EIF4G3: variants seen among roughly 807,000 people sequenced by gnomAD.
EIF4G3 encodes eIF-4-gamma 3.
A neutral mutation model predicts 186.4 loss-of-function variants in EIF4G3; 34 were observed. The ratio of observed to expected loss-of-function variants is 0.18; its 90% CI spans 0.14 to 0.24. The LOEUF (loss-of-function observed/expected upper bound fraction) is 0.24, where lower values mean the gene tolerates loss of function less well. Ranked by LOEUF, EIF4G3 falls within the 10% of genes least tolerant of loss-of-function variation. EIF4G3 has a pLI of 1.00. For missense variants in EIF4G3, 1,536 were observed against 1,948.5 expected, an observed-to-expected ratio of 0.79 and a Z score of 3.99; for synonymous variants, 673 against 679.5, an observed-to-expected ratio of 0.99 and a Z score of 0.15.
In EIF4G3 at chr1:20,807,557, G is replaced by T. The variant is rs1570735889; in HGVS notation, c.4745-57C>A. The T allele has an allele frequency of 5.1e-6, 7 of 1,373,374 alleles. No homozygotes were observed. In the East Asian group the frequency reaches 9.9e-5, roughly 19 times the overall value. 85.1% of individuals were successfully genotyped at this position (1,373,374 alleles called of 1,614,324 possible). The stretch of plus-strand genomic sequence containing the variant: ...TGGGACACTGTAGTTATGAGGAAAA[G>T]AATATATTTCAAAATAATGAATGAC... On this transcript the variant is annotated intron_variant, in intron 36 of 36. Transcript: ENST00000602326.
intron 2 of EIF4G3, among the ~76,000 whole-genome samples, chr1:21,117,736 T>TA (rs71014156): frequency 0.015 from 1,060 of 73,080 alleles, 27 homozygotes; most frequent in African/African-American, 0.039. Context: ...CAGTATATAG[T>TA]AAAAAAAAAA....
intron 2 of EIF4G3, among the ~76,000 whole-genome samples, chr1:21,140,537 T>C (rs2102644993): frequency 6.6e-6 from 1 of 152,358 alleles, no homozygotes; most frequent in Non-Finnish European, 1.5e-5. Flanking sequence ...GGTCTTGAAC[T>C]GGCCTCATTT....
intron 12 of EIF4G3, among the ~76,000 whole-genome samples, chr1:20,966,736 A>AG (rs939751511): frequency 1.3e-5 from 2 of 152,066 alleles, no homozygotes; most frequent in Non-Finnish European, 2.9e-5. Flanking sequence ...AGCCTCCCAA[A>AG]GTGCTAGGAT....
chr1:20,951,044 T>A (rs368855097), intron 12 of EIF4G3, among the ~76,000 whole-genome samples: 1 of 152,006 alleles, frequency 6.6e-6, no homozygotes, highest in East Asian at 1.9e-4. Context: ...AGAGTAGAGC[T>A]CCCTGCACAA....
chr1:21,125,431 G>A (rs2097013806), intron 2 of EIF4G3, among the ~76,000 whole-genome samples: 1 of 152,156 alleles, frequency 6.6e-6, no homozygotes, highest in African/African-American at 2.4e-5. Context: ...ATATTATTAG[G>A]CAATAGGCCA....
intron 2 of EIF4G3, among the ~76,000 whole-genome samples, chr1:21,157,922 T>A (rs1395616618): frequency 6.6e-6 from 1 of 152,156 alleles, no homozygotes; most frequent in African/African-American, 2.4e-5. Context: ...TTAACGTGAT[T>A]CTGAAATACA....
intron 4 of EIF4G3, among the ~76,000 whole-genome samples, chr1:21,041,202 T>C (rs1269720755): frequency 6.6e-6 from 1 of 152,202 alleles, no homozygotes; most frequent in Non-Finnish European, 1.5e-5. Flanking sequence ...CTCAGGGATG[T>C]CAGCTGCTTT....
chr1:21,099,996 T>G (rs2096480301), intron 2 of EIF4G3, among the ~76,000 whole-genome samples: 1 of 152,198 alleles, frequency 6.6e-6, no homozygotes, highest in South Asian at 2.1e-4. Context: ...GGACAAATTG[T>G]GGCATATCAA....
At chr1:21,047,323 T>G (rs1404737575) in intron 4 of EIF4G3, among the ~76,000 whole-genome samples, 4 of 152,168 alleles carry the variant, frequency 2.6e-5, no homozygotes, top group African/African-American at 9.7e-5. Flanking sequence ...AGATTAATCA[T>G]GGAAAACAGA....
At chr1:20,817,312 C>T in intron 34 of EIF4G3, 80 bp downstream of exon 34, 1 of 811,958 alleles carries the variant, frequency 1.2e-6, no homozygotes, top group Non-Finnish European at 1.8e-6. Flanking sequence ...ATGAAGTGAA[C>T]TGATAGGTAA....
intron 7 of EIF4G3, among the ~76,000 whole-genome samples, chr1:20,994,943 C>G (rs77682797): frequency 6.6e-6 from 1 of 152,042 alleles, no homozygotes; most frequent in African/African-American, 2.4e-5. Context: ...CCAGCTTATA[C>G]TTCTATTTTT....
chr1:21,097,498 G>C (rs1169352261), intron 2 of EIF4G3, among the ~76,000 whole-genome samples: 1 of 152,088 alleles, frequency 6.6e-6, no homozygotes, highest in African/African-American at 2.4e-5. Context: ...TTTTATGATA[G>C]GAAAAATGAA....
chr1:20,874,947 C>T (rs2080322489), intron 20 of EIF4G3, among the ~76,000 whole-genome samples: 2 of 152,166 alleles, frequency 1.3e-5, no homozygotes, highest in Admixed American at 1.3e-4. Context: ...AAGTAATCAA[C>T]TACAGTGTCA....
At chr1:20,911,345 A>C (rs888568536) in intron 14 of EIF4G3, among the ~76,000 whole-genome samples, 2 of 152,092 alleles carry the variant, frequency 1.3e-5, no homozygotes, top group African/African-American at 4.8e-5. Context: ...AGGAGGGAAG[A>C]CTGCTTGAGG....
chr1:21,023,599 G>A (rs534075874), intron 4 of EIF4G3, among the ~76,000 whole-genome samples: 102 of 151,934 alleles, frequency 6.7e-4, no homozygotes, highest in Non-Finnish European at 1.1e-3. Context: ...GCGTGATCTC[G>A]GCTCGCTACA....
intron 12 of EIF4G3, 38 bp downstream of exon 12, chr1:20,969,436 A>G (rs1569887605): frequency 6.2e-7 from 1 of 1,611,668 alleles, no homozygotes; most frequent in Middle Eastern, 1.7e-4. Context: ...AGGTTAGTGA[A>G]CAAATAGTGC....
Position 20,942,097 on chromosome 1 carries a change from T to G in EIF4G3, c.1057A>C (p.Ile353Leu). The G allele has an allele frequency of 6.2e-7, 1 of 1,614,208 alleles. No individual in the cohort carries two copies. The highest frequency in any genetic ancestry group is 8.5e-7 in the Non-Finnish European group (1 of 1,180,020). ...LSSQPIFTTA[I>L]DDRCELSSPR... ...GATGAGAGTTCACATCTGTCATCTATAGCAGTGGTGAATATTGGTTGGCTA... is the reference window on the plus strand; with the variant it reads ...GATGAGAGTTCACATCTGTCATCTAGAGCAGTGGTGAATATTGGTTGGCTA... Residue 353 changes from isoleucine (I) to leucine (L), a missense_variant, in exon 14 of 37, where the codon ATA (isoleucine) becomes CTA (leucine). By Grantham distance (5) the Ile-to-Leu change is conservative. Coordinates refer to ENST00000602326, the MANE Select transcript of EIF4G3 (RefSeq NM_001391906.1).
At chr1:21,103,371 A>G (rs926581587) in intron 2 of EIF4G3, among the ~76,000 whole-genome samples, 5 of 152,214 alleles carry the variant, frequency 3.3e-5, no homozygotes, top group Admixed American at 2.0e-4. Flanking sequence ...TCCCTACTCC[A>G]TATCACTTAA....
intron 2 of EIF4G3, among the ~76,000 whole-genome samples, chr1:21,090,837 T>C (rs781714861): frequency 9.2e-5 from 14 of 152,136 alleles, no homozygotes; most frequent in Non-Finnish European, 2.1e-4. Flanking sequence ...AGGATACAAA[T>C]GTCATCAAAT....
Sources: gnomAD v4.1 joint callset for allele counts (sites outside exome capture counted in the v4.1 genomes callset) on GRCh38, gnomAD v4.1.1 for gene constraint, MANE v1.5 for transcripts, NCBI Gene and HGNC (gene_info 2026-07-23, HGNC 2026-07-21) for gene names.